Variants in IDO2 observed in about 807,000 individuals in gnomAD.
The protein encoded by IDO2 is indoleamine 2,3-dioxygenase 2.
Under a neutral mutation model 45.1 loss-of-function variants are expected in IDO2, and 46 were observed. The observed-to-expected ratio is 1.02, with a 90% CI of 0.80 to 1.30. The LOEUF (loss-of-function observed/expected upper bound fraction) is 1.30. Among genes scored for constraint, IDO2 ranks in the 50% most tolerant of loss-of-function variants. The probability of loss-of-function intolerance (pLI) is 0.00; values close to 1 mark genes in which losing one functional copy is unlikely to be tolerated. For missense variants in IDO2, 544 were observed against 491.8 expected (o/e 1.11, Z -1.00); for synonymous variants, 218 against 184.9 (o/e 1.18, Z -1.45).
At chr8:39,984,352 GC>G (rs1808393775) in intron 5 of IDO2, among the ~76,000 whole-genome samples, 1 of 152,178 alleles carries the variant, frequency 6.6e-6, no homozygotes. Context: ...GTGGGTGCCT[GC>G]AATCCCAGCT....
intron 5 of IDO2, among the ~76,000 whole-genome samples, chr8:39,983,369 C>T (rs999526020): frequency 1.2e-4 from 19 of 152,142 alleles, no homozygotes; most frequent in Admixed American, 1.2e-3. Flanking sequence ...TTTCCTTTCA[C>T]CTTAATTTTT....
intron 1 of IDO2, among the ~76,000 whole-genome samples, chr8:39,944,956 C>A (rs137899766): frequency 1.3e-5 from 2 of 152,310 alleles, no homozygotes; most frequent in East Asian, 3.9e-4. Context: ...CAACACCTGG[C>A]ATAAAATTCT....
At chr8:39,987,788 C>A in intron 6 of IDO2, 83 bp from the exon 7 acceptor site, 1 of 778,714 alleles carries the variant, frequency 1.3e-6, no homozygotes, top group Non-Finnish European at 2.2e-6. Context: ...CTGCAGTTAT[C>A]TAACTCGGCA....
Position 40,015,126 on chromosome 8 carries a change from G to A in IDO2, c.869-121G>A, listed in dbSNP as rs1200540235. 46 of 638,134 alleles carry A rather than the reference G, an allele frequency of 7.2e-5. No individual in the cohort carries two copies. In the Admixed American group the frequency reaches 1.3e-3, roughly 18 times the overall value. The allele number at this position is 638,134 out of a possible 1,614,324, so 39.5% of individuals were successfully genotyped here. The stretch of plus-strand genomic sequence containing the variant: ...GCTGAGATCACACCACTGCACTCCA[G>A]CCTGGGCAACAGAGCAAGATCTCAT... On this transcript the variant is annotated intron_variant, in intron 10 of 10. Transcript: ENST00000502986.
chr8:40,012,892 A>C (rs771119570), intron 9 of IDO2, among the ~76,000 whole-genome samples: 35 of 152,094 alleles, frequency 2.3e-4, no homozygotes, highest in Non-Finnish European at 4.1e-4. Flanking sequence ...TCCTGCTGTT[A>C]CTCTTCTTAT....
chr8:40,006,528 T>C (rs569941068), intron 9 of IDO2, among the ~76,000 whole-genome samples: 2 of 152,338 alleles, frequency 1.3e-5, no homozygotes, highest in African/African-American at 4.8e-5. Context: ...CTAATGTATT[T>C]TGTTGTAGCA....
chr8:39,996,177 T>G (rs1183462163), intron 8 of IDO2, among the ~76,000 whole-genome samples: 2 of 151,390 alleles, frequency 1.3e-5, no homozygotes, highest in African/African-American at 4.9e-5. Flanking sequence ...CTCCACCACC[T>G]CTTGTGGAGG....
At chr8:39,940,485 T>G (rs972429680) in intron 1 of IDO2, among the ~76,000 whole-genome samples, 1 of 152,152 alleles carries the variant, frequency 6.6e-6, no homozygotes. Context: ...AGGTACAGAT[T>G]GATTGTAGAA....
chr8:39,963,559 C>T, intron 2 of IDO2, 49 bp from the exon 3 acceptor site: 1 of 1,122,076 alleles, frequency 8.9e-7, no homozygotes, highest in Non-Finnish European at 1.3e-6. Flanking sequence ...CTCGGAAGCC[C>T]CTTTCCAGAG....
intron 3 of IDO2, among the ~76,000 whole-genome samples, chr8:39,973,801 G>T (rs1808217606): frequency 6.6e-6 from 1 of 151,278 alleles, no homozygotes; most frequent in Non-Finnish European, 1.5e-5. Context: ...GGGTGTAGTG[G>T]CACAATCTCG....
At chr8:39,951,831 C>T (rs1301228783) in intron 2 of IDO2, among the ~76,000 whole-genome samples, 1 of 152,282 alleles carries the variant, frequency 6.6e-6, no homozygotes, top group Middle Eastern at 3.4e-3. Flanking sequence ...CTAAACATGA[C>T]GTAGATCCAC....
chr8:39,970,533 A>C (rs1037655509), intron 3 of IDO2, among the ~76,000 whole-genome samples: 3 of 152,192 alleles, frequency 2.0e-5, no homozygotes, highest in Non-Finnish European at 4.4e-5. Flanking sequence ...CTGGGATTAC[A>C]GGCATCTGCC....
chr8:39,965,711 A>G (rs1235402524), intron 3 of IDO2, among the ~76,000 whole-genome samples: 1 of 152,148 alleles, frequency 6.6e-6, no homozygotes, highest in African/African-American at 2.4e-5. Flanking sequence ...TAAACACAGG[A>G]ACATAGACTC....
At chr8:39,996,640 G>A (rs1802050427) in intron 8 of IDO2, among the ~76,000 whole-genome samples, 1 of 152,000 alleles carries the variant, frequency 6.6e-6, no homozygotes, top group South Asian at 2.1e-4. Flanking sequence ...CCGCACACGA[G>A]GAGAAAAACC....
intron 9 of IDO2, 39 bp downstream of exon 9, chr8:40,005,417 G>A (rs888887892): frequency 3.0e-6 from 4 of 1,351,738 alleles, no homozygotes; most frequent in Non-Finnish European, 4.1e-6. Flanking sequence ...TGAAGTCTCT[G>A]TAGCATTGAC....
intron 1 of IDO2, among the ~76,000 whole-genome samples, chr8:39,941,674 G>C (rs11787388): frequency 6.6e-6 from 1 of 151,882 alleles, no homozygotes; most frequent in African/African-American, 2.4e-5. Flanking sequence ...AGAACACTGA[G>C]ATAGAGAAAT....
At chr8:39,984,698 T>A (rs1808397862) in intron 5 of IDO2, among the ~76,000 whole-genome samples, 1 of 152,096 alleles carries the variant, frequency 6.6e-6, no homozygotes, top group Non-Finnish European at 1.5e-5. Flanking sequence ...CCCCATGTGG[T>A]TAAATAACAA....
At chr8:39,951,048 A>AAAACAAAACAAAACAAAACT (rs1563425375) in intron 2 of IDO2, among the ~76,000 whole-genome samples, 1 of 151,724 alleles carries the variant, frequency 6.6e-6, no homozygotes, top group Non-Finnish European at 1.5e-5. Context: ...AAAACAAAAC[A>AAAACAAAACAAAACAAAACT]AAACAAAACA....
chr8:39,990,904 A>G (rs1808488835), intron 8 of IDO2, among the ~76,000 whole-genome samples: 1 of 152,198 alleles, frequency 6.6e-6, no homozygotes, highest in Non-Finnish European at 1.5e-5. Context: ...TTCTTCTCTC[A>G]GAGGAATCTG....
Sources: gnomAD v4.1 joint callset for allele counts (sites outside exome capture counted in the v4.1 genomes callset) on GRCh38, gnomAD v4.1.1 for gene constraint, MANE v1.5 for transcripts, NCBI Gene and HGNC (gene_info 2026-07-23, HGNC 2026-07-21) for gene names.